The following ADGRB3 variants were observed in gnomAD, a reference collection of about 807,000 sequenced individuals.
The protein encoded by ADGRB3 is adhesion G protein-coupled receptor B3.
Under a neutral mutation model 193.4 loss-of-function variants are expected in ADGRB3, and 37 were observed. The observed-to-expected ratio is 0.19, with a 90% CI of 0.15 to 0.25. The LOEUF is 0.25. Among genes scored for constraint, ADGRB3 ranks in the 10% least tolerant of loss-of-function variants. The probability of loss-of-function intolerance (pLI) is 1.00; values close to 1 mark genes in which losing one functional copy is unlikely to be tolerated. For missense variants in ADGRB3, 1,637 were observed against 1,852.9 expected, an observed-to-expected ratio of 0.88 and a Z score of 2.14; for synonymous variants, 690 against 644.2, an observed-to-expected ratio of 1.07 and a Z score of -1.08.
chr6:69,047,796 T>A (rs998636309), intron 13 of ADGRB3, among the ~76,000 whole-genome samples: 56 of 152,188 alleles, frequency 3.7e-4, no homozygotes, highest in African/African-American at 1.2e-3. Context: ...AATTCAGGTT[T>A]AAATGCAAAT....
chr6:68,928,801 A>C (rs1316231335), intron 3 of ADGRB3, among the ~76,000 whole-genome samples: 1 of 152,152 alleles, frequency 6.6e-6, no homozygotes, highest in East Asian at 1.9e-4. Flanking sequence ...ACTCTGACAT[A>C]AATGCTGAAA....
chr6:69,146,753 T>C (rs1033260676), intron 17 of ADGRB3, among the ~76,000 whole-genome samples: 7 of 151,984 alleles, frequency 4.6e-5, no homozygotes, highest in African/African-American at 1.7e-4. Context: ...AATTCAGTAG[T>C]GAAGCTGTCA....
rs537955143 is a variant in ADGRB3, at chr6:69,293,112, G to A, written c.2815-31760G>A. On this transcript the variant is annotated intron_variant, in intron 20 of 31. Coordinates refer to ENST00000370598, the MANE Select transcript of ADGRB3 (RefSeq NM_001704.3). ...GTTCCAACATTTGCAGGCCCCAGGG[G>A]GCAAGGGGACAAAAGAAAGCCCATA... Among the ~76,000 whole-genome samples the A allele has an allele frequency of 5.9e-5, 9 of 152,206 alleles. No homozygotes were observed. The South Asian group carries it at 1.0e-3, about 18-fold the overall frequency.
At chr6:69,184,772 C>G (rs192541210) in intron 17 of ADGRB3, among the ~76,000 whole-genome samples, 1 of 152,130 alleles carries the variant, frequency 6.6e-6, no homozygotes, top group East Asian at 1.9e-4. Context: ...TAAAAATGCT[C>G]TGAAAAAATA....
intron 3 of ADGRB3, among the ~76,000 whole-genome samples, chr6:68,742,127 C>A (rs1195223142): frequency 6.6e-6 from 1 of 152,160 alleles, no homozygotes; most frequent in African/African-American, 2.4e-5. Flanking sequence ...TATTGCTTTG[C>A]CACTGACTTC....
intron 17 of ADGRB3, among the ~76,000 whole-genome samples, chr6:69,096,397 C>T (rs1321897605): frequency 2.9e-5 from 4 of 140,200 alleles, no homozygotes; most frequent in African/African-American, 1.1e-4. Context: ...TTATTAAATG[C>T]ATCATCTTCT....
chr6:69,218,396 TTCAGCCTGTAC>T (rs1342625718), intron 17 of ADGRB3, among the ~76,000 whole-genome samples: 1 of 152,158 alleles, frequency 6.6e-6, no homozygotes, highest in East Asian at 1.9e-4. Context: ...TAGGAATCAC[TTCAGCCTGTAC>T]TTTGACACTC....
chr6:68,693,805 T>A (rs903157307), intron 3 of ADGRB3, among the ~76,000 whole-genome samples: 3 of 152,010 alleles, frequency 2.0e-5, no homozygotes, highest in Non-Finnish European at 4.4e-5. Flanking sequence ...TGCATTGGTA[T>A]GTTTTTAAGC....
chr6:69,307,834 G>T (rs1174866594), intron 20 of ADGRB3, among the ~76,000 whole-genome samples: 1 of 151,340 alleles, frequency 6.6e-6, no homozygotes, highest in East Asian at 1.9e-4. Flanking sequence ...GGTGTGACTG[G>T]CACAAATGTG....
intron 3 of ADGRB3, among the ~76,000 whole-genome samples, chr6:68,770,885 A>T (rs1766604263): frequency 6.6e-6 from 1 of 152,098 alleles, no homozygotes; most frequent in East Asian, 1.9e-4. Context: ...GACATTAGGG[A>T]ATTCCTCATT....
chr6:68,755,028 T>G (rs914953710), intron 3 of ADGRB3, among the ~76,000 whole-genome samples: 2 of 152,176 alleles, frequency 1.3e-5, no homozygotes, highest in Admixed American at 6.5e-5. Flanking sequence ...TGTTTGCATG[T>G]GCAACCACAT....
intron 20 of ADGRB3, among the ~76,000 whole-genome samples, chr6:69,267,794 A>G (rs911415856): frequency 6.6e-6 from 1 of 152,150 alleles, no homozygotes; most frequent in Non-Finnish European, 1.5e-5. Context: ...GAAGGCAGGT[A>G]TTCAGAGGAG....
chr6:68,710,117 C>A (rs770453455), intron 3 of ADGRB3, among the ~76,000 whole-genome samples: 14 of 152,186 alleles, frequency 9.2e-5, no homozygotes, highest in Non-Finnish European at 1.9e-4. Context: ...AGCTCATGCT[C>A]TTAACTTCTC....
chr6:68,638,983 G>T lies in ADGRB3; in HGVS notation c.308G>T (p.Arg103Ile). 2 of 1,613,774 alleles carry T rather than the reference G, an allele frequency of 1.2e-6. No homozygotes were observed. Among genetic ancestry groups the T allele is most frequent in the Non-Finnish European group, 8.5e-7 (1 of 1,179,912 alleles). ...CATGAAAAAATAAAGGATCTTTTAAGAAAGAATCATTCTATAATGCAACTC... is the reference window on the plus strand; with the variant it reads ...CATGAAAAAATAAAGGATCTTTTAATAAAGAATCATTCTATAATGCAACTC... The part of the protein sequence containing the change: ...FSHEKIKDLL[R>I]KNHSIMQLCN... Residue 103 changes from arginine to isoleucine, a missense_variant, in exon 3 of 32, where the codon AGA becomes ATA. Coordinates refer to ENST00000370598, the MANE Select transcript of ADGRB3 (RefSeq NM_001704.3).
At chr6:69,066,588 C>A (rs1285962964) in intron 16 of ADGRB3, among the ~76,000 whole-genome samples, 2 of 151,972 alleles carry the variant, frequency 1.3e-5, no homozygotes, top group Non-Finnish European at 2.9e-5. Context: ...TTTAGCAAAG[C>A]CAATTGCAGC....
At chr6:68,714,510 A>G (rs1455924584) in intron 3 of ADGRB3, among the ~76,000 whole-genome samples, 4 of 151,808 alleles carry the variant, frequency 2.6e-5, no homozygotes, top group Non-Finnish European at 5.9e-5. Context: ...GAAAAAACAC[A>G]GCTTGATTGA....
At chr6:68,849,018 A>G (rs568844315) in intron 3 of ADGRB3, among the ~76,000 whole-genome samples, 28 of 152,104 alleles carry the variant, frequency 1.8e-4, no homozygotes, top group Middle Eastern at 3.4e-3. Flanking sequence ...TACATATAAG[A>G]TTGATTAATT....
rs548064876 is a variant in ADGRB3, at chr6:69,121,457, C to T, written c.2480+45419C>T. ...ATCTGTCTTTCTTTTCCCCATATTT[C>T]CCCCTTTTCTTTTCGACAAAACTGC... On this transcript the variant is annotated intron_variant, in intron 17 of 31. Coordinates refer to ENST00000370598, the MANE Select transcript of ADGRB3 (RefSeq NM_001704.3). Among the ~76,000 whole-genome samples the T allele has an allele frequency of 3.3e-5, 5 of 152,226 alleles. No homozygotes were observed. In the South Asian group the frequency reaches 6.2e-4, roughly 19 times the overall value.
At chr6:68,815,650 T>C (rs1211911336) in intron 3 of ADGRB3, among the ~76,000 whole-genome samples, 1 of 143,596 alleles carries the variant, frequency 7.0e-6, no homozygotes, top group African/African-American at 2.5e-5. Flanking sequence ...TGCATGTAGA[T>C]CTCATTTGAT....
Sources: allele counts gnomAD v4.1 joint callset (sites outside exome capture counted in the v4.1 genomes callset), GRCh38; gene constraint gnomAD v4.1.1; transcripts MANE v1.5; gene names NCBI Gene and HGNC (gene_info 2026-07-23, HGNC 2026-07-21).